KDM5B: variants seen among roughly 807,000 people sequenced by gnomAD.
KDM5B encodes the protein lysine-specific demethylase 5B.
In KDM5B, 144 loss-of-function variants were observed where a neutral mutation model predicts 193.4. The ratio of observed to expected loss-of-function variants is 0.74; its 90% confidence interval spans 0.65 to 0.86. The LOEUF is 0.86. KDM5B is among the 40% of genes least tolerant of loss of function. The probability of loss-of-function intolerance (pLI) is 0.00; values close to 1 mark genes in which losing one functional copy is unlikely to be tolerated. For synonymous variants in KDM5B, 668 were observed against 682.6 expected, an observed-to-expected ratio of 0.98 and a Z score of 0.33; for missense variants, 1,833 against 1,886.9, an observed-to-expected ratio of 0.97 and a Z score of 0.53.
chr1:202,798,028 AAAAT>A (rs1401884121), intron 1 of KDM5B, among the ~76,000 whole-genome samples: 2 of 152,200 alleles, frequency 1.3e-5, no homozygotes, highest in Non-Finnish European at 2.9e-5. Flanking sequence ...CGTCTCTATT[AAAAT>A]AAATACAAAA....
At chr1:202,729,531 G>A (rs527576895) in intron 26 of KDM5B, 176 bp downstream of exon 26, 180 of 618,112 alleles carry the variant, frequency 2.9e-4, no homozygotes, top group Non-Finnish European at 4.3e-4. Context: ...AGAAAAGGGA[G>A]GAGACCCAGG....
chr1:202,789,393 C>T (rs1657543563), intron 1 of KDM5B, among the ~76,000 whole-genome samples: 1 of 150,494 alleles, frequency 6.6e-6, no homozygotes, highest in Admixed American at 6.6e-5. Context: ...CGGTGGTGGG[C>T]GCCTATAATC....
intron 16 of KDM5B, among the ~76,000 whole-genome samples, chr1:202,743,531 C>T (rs1444506311): frequency 6.6e-6 from 1 of 152,118 alleles, no homozygotes; most frequent in East Asian, 1.9e-4. Context: ...GACTCAGAGA[C>T]AATGATATTG....
At chr1:202,742,351 G>A in intron 18 of KDM5B, 40 bp downstream of exon 18, 1 of 1,364,588 alleles carries the variant, frequency 7.3e-7, no homozygotes. Context: ...CAAAATACAG[G>A]ATTACCAAAG....
intron 12 of KDM5B, among the ~76,000 whole-genome samples, chr1:202,751,154 T>C (rs182386742): frequency 1.3e-4 from 20 of 152,248 alleles, no homozygotes; most frequent in East Asian, 1.9e-4. Context: ...TCTCATAACA[T>C]ACAGAGGTCC....
At chr1:202,793,140 C>T (rs75967884) in intron 1 of KDM5B, among the ~76,000 whole-genome samples, 3,495 of 152,150 alleles carry the variant, frequency 0.023, 69 homozygotes, top group Non-Finnish European at 0.039. Context: ...TTGCAACATC[C>T]AATTTGTCCT....
rs1654710707 is a variant in KDM5B at position 202,727,368 on chromosome 1, T to C, written c.*1668A>G. 6.6e-6 allele frequency: 1 copy of C among 152,510 alleles called. No homozygotes were observed. Among genetic ancestry groups the C allele is most frequent in the Admixed American group, 6.5e-5 (1 of 15,288 alleles). The allele number at this position is 152,510 out of a possible 1,614,324, so 9.4% of individuals were successfully genotyped here. A position where few individuals can be genotyped will look rare whatever the true frequency, so the allele number is the denominator to read the frequency against. On this transcript the variant is annotated 3_prime_UTR_variant, in exon 27 of 27. Coordinates refer to ENST00000367265, the MANE Select transcript of KDM5B (RefSeq NM_006618.5). ...AACCACCATCAGACGAAGAGAAACA[T>C]CACAACAACTGCAGAAAACTGCAGA... is the stretch of plus-strand genomic sequence containing the variant.
At chr1:202,747,568 TTAA>T (rs1558489560) in intron 14 of KDM5B, among the ~76,000 whole-genome samples, 2 of 141,554 alleles carry the variant, frequency 1.4e-5, no homozygotes, top group Admixed American at 7.0e-5. Context: ...GCACATATTT[TTAA>T]AAAAAAAAAA....
At chr1:202,751,018 C>T (rs540434189) in intron 12 of KDM5B, among the ~76,000 whole-genome samples, 1 of 152,122 alleles carries the variant, frequency 6.6e-6, no homozygotes, top group South Asian at 2.1e-4. Context: ...AAAAATGTGC[C>T]CATATTAAGG....
chr1:202,799,583 G>A (rs1372321270), intron 1 of KDM5B, among the ~76,000 whole-genome samples: 2 of 151,716 alleles, frequency 1.3e-5, no homozygotes, highest in Non-Finnish European at 2.9e-5. Flanking sequence ...AACCTGGGAG[G>A]CGGAAGTTGC....
chr1:202,799,033 G>A (rs1657967802), intron 1 of KDM5B, among the ~76,000 whole-genome samples: 1 of 152,030 alleles, frequency 6.6e-6, no homozygotes, highest in Non-Finnish European at 1.5e-5. Context: ...GGGACAAGGG[G>A]AAATCCCTTC....
chr1:202,764,288 G>A (rs952751418), intron 5 of KDM5B, 143 bp from the exon 6 acceptor site: 3 of 524,908 alleles, frequency 5.7e-6, no homozygotes, highest in African/African-American at 2.0e-5. Flanking sequence ...CTCTTCCTAA[G>A]GAAGAGAGCT....
Position 202,728,912 on chromosome 1 carries a change from T to C in KDM5B, c.*124A>G, listed in dbSNP as rs533850406. On this transcript the variant is annotated 3_prime_UTR_variant, in exon 27 of 27. Coordinates refer to ENST00000367265, the MANE Select transcript of KDM5B (RefSeq NM_006618.5). Reference sequence around the variant, plus strand: ...CCTGGAAAAATGATCCCATAAGGAATAGAAATAGCACCGTTTACAGGCTGG... The same window carrying C: ...CCTGGAAAAATGATCCCATAAGGAACAGAAATAGCACCGTTTACAGGCTGG... The C allele has an allele frequency of 1.5e-5, 17 of 1,106,788 alleles. No individual in the cohort carries two copies. The highest frequency in any genetic ancestry group is 2.0e-5 in the Non-Finnish European group (15 of 765,606). 68.6% of individuals were successfully genotyped at this position (1,106,788 alleles called of 1,614,324 possible).
intron 1 of KDM5B, among the ~76,000 whole-genome samples, chr1:202,805,966 C>T (rs553315774): frequency 6.6e-6 from 1 of 152,294 alleles, no homozygotes; most frequent in African/African-American, 2.4e-5. Flanking sequence ...TTATTGGTGC[C>T]TCTTTAACCC....
At chr1:202,797,084 A>G (rs957940116) in intron 1 of KDM5B, 3 of 152,314 alleles carry the variant, frequency 2.0e-5, no homozygotes, top group African/African-American at 7.2e-5. Context: ...AATCAGGACC[A>G]GCATCTGGGC....
chr1:202,738,486 C>T (rs943367396), intron 20 of KDM5B, among the ~76,000 whole-genome samples: 4 of 152,190 alleles, frequency 2.6e-5, no homozygotes, highest in Non-Finnish European at 5.9e-5. Context: ...GGAGTCAGTC[C>T]TTAATTATGT....
intron 1 of KDM5B, among the ~76,000 whole-genome samples, chr1:202,787,014 CCTT>C (rs1054335425): frequency 1.2e-4 from 19 of 152,202 alleles, no homozygotes; most frequent in Admixed American, 1.2e-3. Context: ...ATCAAGTTTC[CCTT>C]TTTTTTCTTT....
At chr1:202,738,758 C>G (rs1222371414) in intron 20 of KDM5B, among the ~76,000 whole-genome samples, 1 of 152,100 alleles carries the variant, frequency 6.6e-6, no homozygotes, top group Non-Finnish European at 1.5e-5. Flanking sequence ...GGGAAGACAT[C>G]CCCCATCAAA....
intron 22 of KDM5B, among the ~76,000 whole-genome samples, 168 bp downstream of exon 22, chr1:202,735,261 T>C (rs957197179): frequency 6.6e-6 from 1 of 152,186 alleles, no homozygotes; most frequent in African/African-American, 2.4e-5. Context: ...TCTATGCATC[T>C]TACCATTCAA....
Sources: allele counts gnomAD v4.1 joint callset (sites outside exome capture counted in the v4.1 genomes callset), GRCh38; gene constraint gnomAD v4.1.1; transcripts MANE v1.5; gene names NCBI Gene and HGNC (gene_info 2026-07-23, HGNC 2026-07-21).